The following IFT80 variants were observed in gnomAD, a reference collection of about 807,000 sequenced individuals.
IFT80 encodes the protein intraflagellar transport 80.
A neutral mutation model predicts 107.9 loss-of-function variants in IFT80; 79 were observed. The ratio of observed to expected loss-of-function variants is 0.73; its 90% CI spans 0.61 to 0.88. The LOEUF (loss-of-function observed/expected upper bound fraction) is 0.88. Ranked by LOEUF, IFT80 falls within the 40% of genes least tolerant of loss-of-function variation. The pLI is 0.00. For synonymous variants in IFT80, 299 were observed against 300.9 expected, an observed-to-expected ratio of 0.99 and a Z score of 0.07; for missense variants, 797 against 914.2, an observed-to-expected ratio of 0.87 and a Z score of 1.65.
chr3:160,353,381 C>T (rs1403897103), intron 8 of IFT80, among the ~76,000 whole-genome samples: 1 of 152,182 alleles, frequency 6.6e-6, no homozygotes, highest in Admixed American at 6.5e-5. Context: ...CTCTTTTCTA[C>T]CCCACAGCAA....
chr3:160,292,550 G>A (rs1715651341), intron 12 of IFT80, among the ~76,000 whole-genome samples: 1 of 144,218 alleles, frequency 6.9e-6, no homozygotes, highest in South Asian at 2.2e-4. Context: ...CGCGATCTCA[G>A]CTCACTGCAA....
chr3:160,316,462 T>G (rs998877778), intron 9 of IFT80, among the ~76,000 whole-genome samples: 1 of 152,104 alleles, frequency 6.6e-6, no homozygotes, highest in African/African-American at 2.4e-5. Flanking sequence ...AAATGAGAGA[T>G]AATAATTGTT....
intron 1 of IFT80, among the ~76,000 whole-genome samples, chr3:160,392,187 A>G (rs1016272404): frequency 2.6e-5 from 4 of 152,242 alleles, no homozygotes; most frequent in Non-Finnish European, 5.9e-5. Context: ...ACAGAGAATT[A>G]GAGGGAATAA....
At chr3:160,299,218 A>C (rs891604388) in intron 12 of IFT80, 1 of 1,131,190 alleles carries the variant, frequency 8.8e-7, no homozygotes, top group Non-Finnish European at 1.1e-6. Context: ...CCTCTTTCTT[A>C]GCCAAAAAGG....
rs756626849 is a variant in IFT80, at chr3:160,277,290, A to T, written c.2099+16T>A. 1 of 1,608,524 alleles carries T rather than the reference A, an allele frequency of 6.2e-7. No individual in the cohort carries two copies. Among genetic ancestry groups the T allele is most frequent in the South Asian group, 1.1e-5 (1 of 90,936 alleles). On this transcript the variant is annotated intron_variant, in intron 18 of 19. Transcript: ENST00000326448. The stretch of plus-strand genomic sequence containing the variant: ...GTCAAACAGATTTTGGAACTGATGG[A>T]AAGCATTCTTATTACCTTTCCCAGT...
intron 19 of IFT80, 148 bp downstream of exon 19, chr3:160,268,265 C>T: frequency 2.9e-6 from 2 of 689,350 alleles, no homozygotes; most frequent in South Asian, 3.9e-5. Flanking sequence ...TAATTACAGT[C>T]AAAATAAGAT....
intron 8 of IFT80, among the ~76,000 whole-genome samples, chr3:160,345,630 G>A (rs1170041298): frequency 6.8e-6 from 1 of 147,320 alleles, no homozygotes; most frequent in South Asian, 2.2e-4. Flanking sequence ...GGAGGCAGAG[G>A]TTGCAGTGGG....
intron 11 of IFT80, among the ~76,000 whole-genome samples, chr3:160,302,601 A>G (rs1048917869): frequency 6.6e-6 from 1 of 152,104 alleles, no homozygotes; most frequent in Non-Finnish European, 1.5e-5. Context: ...TGCCATTAAT[A>G]TATGTCTTTA....
At chr3:160,280,599 G>T in intron 15 of IFT80, 68 bp downstream of exon 15, 1 of 1,354,420 alleles carries the variant, frequency 7.4e-7, no homozygotes, top group Non-Finnish European at 1.1e-6. Flanking sequence ...GAAAATAGAA[G>T]CCAAAACATG....
chr3:160,390,417 CA>C (rs1289410578), intron 1 of IFT80, among the ~76,000 whole-genome samples: 201 of 108,130 alleles, frequency 1.9e-3, no homozygotes, highest in Non-Finnish European at 2.1e-3. Context: ...AATTCCGTCT[CA>C]AAAAAAAAAA....
At chr3:160,293,791 C>T (rs1040516991) in intron 12 of IFT80, among the ~76,000 whole-genome samples, 3 of 152,150 alleles carry the variant, frequency 2.0e-5, no homozygotes, top group Non-Finnish European at 4.4e-5. Flanking sequence ...CCATTAGCAA[C>T]CTCTTGAGAA....
At chr3:160,319,240 A>G (rs1718030432) in intron 9 of IFT80, among the ~76,000 whole-genome samples, 1 of 152,004 alleles carries the variant, frequency 6.6e-6, no homozygotes, top group South Asian at 2.1e-4. Flanking sequence ...TAGGATGGGT[A>G]GAGATATTTT....
At chr3:160,304,349 T>C (rs910123702) in intron 10 of IFT80, among the ~76,000 whole-genome samples, 4 of 152,126 alleles carry the variant, frequency 2.6e-5, no homozygotes, top group African/African-American at 4.8e-5. Flanking sequence ...AGTAGCAGCA[T>C]GGCATAATGA....
At chr3:160,296,654 C>T (rs1247012390) in intron 12 of IFT80, among the ~76,000 whole-genome samples, 1 of 151,846 alleles carries the variant, frequency 6.6e-6, no homozygotes, top group Non-Finnish European at 1.5e-5. Context: ...CCAGTTTTTA[C>T]AACTCCTACC....
chr3:160,299,307 A>C (rs1313154856), intron 12 of IFT80: 1 of 933,612 alleles, frequency 1.1e-6, no homozygotes, highest in Non-Finnish European at 1.4e-6. Context: ...TCTATTTAGG[A>C]GAGTTATATT....
Position 160,279,244 on chromosome 3 carries a change from A to ATATG in IFT80, c.1784_1785insCATA (p.Val596IlefsTer18). On this transcript the variant is annotated frameshift_variant, in exon 16 of 20. Coordinates refer to ENST00000326448, the MANE Select transcript of IFT80 (RefSeq NM_020800.3). LOFTEE classifies it high-confidence loss of function. The stretch of plus-strand genomic sequence containing the variant: ...CATCTTCCCATTTTGAACTGCTTAC[A>ATATG]TATTCATGGAGAATAGCAGGATATG... The ATATG allele has an allele frequency of 6.2e-7, 1 of 1,613,778 alleles. No homozygotes were observed. Among genetic ancestry groups the ATATG allele is most frequent in the East Asian group, 2.2e-5 (1 of 44,866 alleles).
At chr3:160,318,747 T>G (rs1717998355) in intron 9 of IFT80, among the ~76,000 whole-genome samples, 1 of 152,086 alleles carries the variant, frequency 6.6e-6, no homozygotes, top group Admixed American at 6.6e-5. Context: ...AATATGGCAC[T>G]ATGGCATACT....
intron 19 of IFT80, among the ~76,000 whole-genome samples, chr3:160,258,926 G>A (rs374005005): frequency 6.6e-5 from 10 of 151,928 alleles, no homozygotes; most frequent in East Asian, 5.8e-4. Flanking sequence ...GCAAAGTTCC[G>A]AGATGGGAAA....
intron 8 of IFT80, 124 bp from the exon 9 acceptor site, chr3:160,320,063 T>G (rs527834411): frequency 2.8e-6 from 2 of 706,238 alleles, no homozygotes; most frequent in South Asian, 3.7e-5. Flanking sequence ...GGAATTATTA[T>G]TTTTCTTAAT....
Sources: allele counts gnomAD v4.1 joint callset (sites outside exome capture counted in the v4.1 genomes callset), GRCh38; gene constraint gnomAD v4.1.1; transcripts MANE v1.5; gene names NCBI Gene and HGNC (gene_info 2026-07-23, HGNC 2026-07-21).